The following UBTD1 variants were observed in gnomAD, a reference collection of about 807,000 sequenced individuals.
UBTD1 encodes ubiquitin domain-containing protein 1.
A neutral mutation model predicts 21.7 loss-of-function variants in UBTD1; 19 were observed. The ratio of observed to expected loss-of-function variants is 0.87; its 90% confidence interval spans 0.61 to 1.28. The LOEUF is 1.28. Among genes scored for constraint, UBTD1 ranks in the 50% most tolerant of loss-of-function variants. UBTD1 has a pLI of 0.00. For missense variants in UBTD1, 282 were observed against 315.1 expected, an observed-to-expected ratio of 0.89 and a Z score of 0.80; for synonymous variants, 116 against 135.1, an observed-to-expected ratio of 0.86 and a Z score of 0.98.
At chr10:97,559,636 A>G (rs1225374256) in intron 1 of UBTD1, among the ~76,000 whole-genome samples, 1 of 152,180 alleles carries the variant, frequency 6.6e-6, no homozygotes, top group African/African-American at 2.4e-5. Context: ...AAAACCTTGT[A>G]GACATATTTA....
rs574450094 is a variant in UBTD1, at chr10:97,527,992, C to G, written c.70+28719C>G. 3.5e-3 allele frequency among the ~76,000 whole-genome samples: 527 copies of G among 151,842 alleles called. 4 individuals carry two copies. Among genetic ancestry groups the G allele is most frequent in the African/African-American group, 0.012 (493 of 41,396 alleles). On this transcript the variant is annotated intron_variant, in intron 1 of 2. Coordinates refer to ENST00000370664, the MANE Select transcript of UBTD1 (RefSeq NM_024954.5). ...CCTCCCAGACGGGGTGGTGGCCGGG[C>G]AGAGGGGCTCCTCACTTCCCAGTAG...
rs975181807 is a variant in UBTD1 at position 97,544,130 on chromosome 10, A to T, written c.71-23784A>T. On this transcript the variant is annotated intron_variant, in intron 1 of 2. Coordinates refer to ENST00000370664, the MANE Select transcript of UBTD1 (RefSeq NM_024954.5). ...AACCCCGTCTCTACTAAAAAAATTTAAAAAAATACAAAAATAGCTGGGTGT... is the reference window on the plus strand; with the variant it reads ...AACCCCGTCTCTACTAAAAAAATTTTAAAAAATACAAAAATAGCTGGGTGT... Among the ~76,000 whole-genome samples the T allele has an allele frequency of 3.7e-4, 57 of 152,138 alleles. 1 individual carries two copies. The highest frequency in any genetic ancestry group is 7.2e-4 in the Admixed American group (11 of 15,246).
intron 1 of UBTD1, among the ~76,000 whole-genome samples, chr10:97,517,996 C>T: frequency 6.6e-6 from 1 of 152,112 alleles, no homozygotes. Flanking sequence ...CCATTTACTT[C>T]CTAGTGTGGA....
chr10:97,524,361 A>T (rs571207898), intron 1 of UBTD1, among the ~76,000 whole-genome samples: 9 of 152,106 alleles, frequency 5.9e-5, no homozygotes, highest in Middle Eastern at 3.4e-3. Context: ...TCAGCCTCCT[A>T]AAGTGCTGGG....
intron 1 of UBTD1, among the ~76,000 whole-genome samples, chr10:97,563,226 AGGGGGT>A (rs1194079498): frequency 6.6e-6 from 1 of 152,206 alleles, no homozygotes; most frequent in Admixed American, 6.5e-5. Context: ...AGAGTGTCCA[AGGGGGT>A]TCAGCGTAAT....
chr10:97,544,510 T>C (rs1428823194), intron 1 of UBTD1, among the ~76,000 whole-genome samples: 1 of 152,212 alleles, frequency 6.6e-6, no homozygotes, highest in Non-Finnish European at 1.5e-5. Context: ...TTAGGAATGC[T>C]GACCCCCATG....
At chr10:97,507,093 A>C (rs2040402468) in intron 1 of UBTD1, among the ~76,000 whole-genome samples, 1 of 152,054 alleles carries the variant, frequency 6.6e-6, no homozygotes, top group Admixed American at 6.6e-5. Flanking sequence ...TTTTTGAATA[A>C]CCCCCCATAA....
chr10:97,563,143 G>A (rs1206196305), intron 1 of UBTD1, among the ~76,000 whole-genome samples: 5 of 152,104 alleles, frequency 3.3e-5, no homozygotes, highest in Non-Finnish European at 7.4e-5. Flanking sequence ...GAAGACACAA[G>A]GTCCAAATAA....
At chr10:97,503,538 C>G (rs573505138) in intron 1 of UBTD1, among the ~76,000 whole-genome samples, 1 of 152,310 alleles carries the variant, frequency 6.6e-6, no homozygotes, top group South Asian at 2.1e-4. Flanking sequence ...CAGGCATATC[C>G]ACTTACGTTC....
chr10:97,524,916 A>G (rs539469023), intron 1 of UBTD1, among the ~76,000 whole-genome samples: 101 of 152,190 alleles, frequency 6.6e-4, no homozygotes, highest in Non-Finnish European at 1.3e-3. Flanking sequence ...TGTGCAGCAT[A>G]GTCACATGGC....
At chr10:97,558,055 T>G (rs187447960) in intron 1 of UBTD1, among the ~76,000 whole-genome samples, 1 of 152,166 alleles carries the variant, frequency 6.6e-6, no homozygotes, top group Non-Finnish European at 1.5e-5. Context: ...CCAGTCAGCT[T>G]CTGGGTGTGA....
intron 1 of UBTD1, among the ~76,000 whole-genome samples, chr10:97,507,618 CA>C (rs904060424): frequency 6.7e-6 from 1 of 150,014 alleles, no homozygotes; most frequent in African/African-American, 2.5e-5. Context: ...ACTAAAAATA[CA>C]AAAAAAATTA....
At chr10:97,548,445 T>C (rs2040621139) in intron 1 of UBTD1, among the ~76,000 whole-genome samples, 1 of 152,298 alleles carries the variant, frequency 6.6e-6, no homozygotes, top group Middle Eastern at 3.4e-3. Context: ...GCTTGTGAAG[T>C]ATAGTATTCT....
intron 1 of UBTD1, among the ~76,000 whole-genome samples, chr10:97,552,710 A>G (rs756571312): frequency 1.3e-5 from 2 of 151,948 alleles, no homozygotes; most frequent in Non-Finnish European, 2.9e-5. Flanking sequence ...GCCAATACAT[A>G]CTTTTTTTGA....
chr10:97,570,073 C>T lies in UBTD1; in HGVS notation c.299-65C>T. The T allele has an allele frequency of 7.2e-6, 11 of 1,530,058 alleles. No individual in the cohort carries two copies. Among genetic ancestry groups the T allele is most frequent in the Non-Finnish European group, 9.7e-6 (11 of 1,138,246 alleles). The allele number at this position is 1,530,058 out of a possible 1,614,324, so 94.8% of individuals were successfully genotyped here. A position where few individuals can be genotyped will look rare whatever the true frequency, so the allele number is the denominator to read the frequency against. The stretch of plus-strand genomic sequence containing the variant: ...GTTTCACCATATGAATTTGGGGGGA[C>T]CCAAACATTTAATCCATGATAGTGG... On this transcript the variant is annotated intron_variant, in intron 2 of 2. Coordinates refer to ENST00000370664, the MANE Select transcript of UBTD1 (RefSeq NM_024954.5). This position sits in a 1 kb window ranked among gnomAD's most constrained non-coding sequence, Gnocchi z 6.6.
intron 1 of UBTD1, among the ~76,000 whole-genome samples, chr10:97,531,976 G>A (rs111591822): frequency 1.3e-5 from 2 of 152,204 alleles, no homozygotes. Flanking sequence ...AGACCTGGGG[G>A]CCAAGACCAG....
At chr10:97,545,507 T>C (rs2040606798) in intron 1 of UBTD1, among the ~76,000 whole-genome samples, 1 of 151,892 alleles carries the variant, frequency 6.6e-6, no homozygotes, top group Non-Finnish European at 1.5e-5. Context: ...TGTTAGGTGA[T>C]TTGTTCTGTG....
chr10:97,501,615 A>G (rs181976534), intron 1 of UBTD1, among the ~76,000 whole-genome samples: 12 of 152,218 alleles, frequency 7.9e-5, no homozygotes, highest in Admixed American at 7.8e-4. Flanking sequence ...AACAACAGCA[A>G]CAACAACAAC....
intron 1 of UBTD1, among the ~76,000 whole-genome samples, chr10:97,520,032 G>A (rs989749687): frequency 3.9e-5 from 6 of 152,170 alleles, no homozygotes; most frequent in Non-Finnish European, 8.8e-5. Context: ...GCACAGGTTC[G>A]GCTCAGACCA....
Sources: gnomAD v4.1 joint callset for allele counts (sites outside exome capture counted in the v4.1 genomes callset) on GRCh38, gnomAD v4.1.1 for gene constraint, Gnocchi (gnomAD v3.1) non-coding constraint, MANE v1.5 for transcripts, NCBI Gene and HGNC (gene_info 2026-07-23, HGNC 2026-07-21) for gene names.